TTBK2: variants seen among roughly 807,000 people sequenced by gnomAD.
TTBK2 encodes the protein tau-tubulin kinase 2.
A neutral mutation model predicts 110.8 loss-of-function variants in TTBK2; 28 were observed. That is an observed-to-expected ratio of 0.25 (90% confidence interval 0.19 to 0.35). TTBK2 has a LOEUF of 0.35. Ranked by LOEUF, TTBK2 falls within the 10% of genes least tolerant of loss-of-function variation. The pLI is 1.00. For missense variants in TTBK2, 1,369 were observed against 1,500.3 expected, an observed-to-expected ratio of 0.91 and a Z score of 1.45; for synonymous variants, 532 against 527.3, an observed-to-expected ratio of 1.01 and a Z score of -0.12.
intron 6 of TTBK2, among the ~76,000 whole-genome samples, chr15:42,823,038 A>G (rs1892373186): frequency 6.6e-6 from 1 of 152,266 alleles, no homozygotes; most frequent in Admixed American, 6.5e-5. Flanking sequence ...AACTACTCCC[A>G]ATGGAATTAA....
intron 1 of TTBK2, among the ~76,000 whole-genome samples, chr15:42,913,294 A>T (rs1001351955): frequency 1.3e-5 from 2 of 152,254 alleles, no homozygotes; most frequent in African/African-American, 4.8e-5. Flanking sequence ...GAGGTAAATT[A>T]TACTTTGGGC....
chr15:42,847,567 G>T (rs1254270450), intron 3 of TTBK2, among the ~76,000 whole-genome samples: 1 of 152,274 alleles, frequency 6.6e-6, no homozygotes, highest in East Asian at 1.9e-4. Flanking sequence ...CTCACATTTA[G>T]ATGTGTGGCA....
At chr15:42,763,157 CATATATATATATATATATATATAT>C (rs1567008803) in intron 13 of TTBK2, among the ~76,000 whole-genome samples, 40 of 20,464 alleles carry the variant, frequency 2.0e-3, no homozygotes, top group Non-Finnish European at 2.7e-3. Flanking sequence ...TATATATATA[CATATATATATATATATATATATAT>C]ATATATATAT....
chr15:42,897,878 C>A (rs910756299), intron 1 of TTBK2, among the ~76,000 whole-genome samples: 7 of 150,972 alleles, frequency 4.6e-5, no homozygotes, highest in African/African-American at 1.7e-4. Context: ...AACTTCCAAT[C>A]AGCTTCACTA....
intron 5 of TTBK2, among the ~76,000 whole-genome samples, chr15:42,828,918 T>C (rs1892642250): frequency 6.6e-6 from 1 of 152,194 alleles, no homozygotes; most frequent in African/African-American, 2.4e-5. Flanking sequence ...AGAGGACTTG[T>C]GACGGTAAAA....
At chr15:42,764,608 C>T (rs1196252161) in intron 13 of TTBK2, among the ~76,000 whole-genome samples, 1 of 152,268 alleles carries the variant, frequency 6.6e-6, no homozygotes, top group Non-Finnish European at 1.5e-5. Flanking sequence ...GCCAGGGAAG[C>T]TCGAACTGGG....
chr15:42,911,977 CA>C (rs2030781556), intron 1 of TTBK2, among the ~76,000 whole-genome samples: 3 of 152,120 alleles, frequency 2.0e-5, no homozygotes, highest in Non-Finnish European at 4.4e-5. Flanking sequence ...CACACACACA[CA>C]CACACACAAC....
At chr15:42,800,576 A>G (rs74477607) in intron 9 of TTBK2, among the ~76,000 whole-genome samples, 1 of 152,182 alleles carries the variant, frequency 6.6e-6, no homozygotes, top group East Asian at 1.9e-4. Flanking sequence ...TAATAAATGG[A>G]AAATTAGTGG....
intron 13 of TTBK2, among the ~76,000 whole-genome samples, chr15:42,770,060 C>G (rs1385441065): frequency 1.4e-5 from 2 of 143,428 alleles, no homozygotes; most frequent in Admixed American, 1.4e-4. Context: ...AATGAGAATA[C>G]TTGGACACAG....
chr15:42,753,408 T>C (rs773148128), intron 13 of TTBK2, among the ~76,000 whole-genome samples, 161 bp from the exon 14 acceptor site: 1 of 152,170 alleles, frequency 6.6e-6, no homozygotes, highest in African/African-American at 2.4e-5. Context: ...TGAATAACAA[T>C]GATTGACACT....
At chr15:42,846,664 T>C (rs1040293477) in intron 3 of TTBK2, among the ~76,000 whole-genome samples, 1 of 152,216 alleles carries the variant, frequency 6.6e-6, no homozygotes, top group African/African-American at 2.4e-5. Context: ...GTCTTTGTTA[T>C]TTATTACTCT....
intron 13 of TTBK2, among the ~76,000 whole-genome samples, chr15:42,770,663 G>A (rs1464145120): frequency 6.6e-6 from 1 of 152,142 alleles, no homozygotes; most frequent in Non-Finnish European, 1.5e-5. Flanking sequence ...AAATTTTCCA[G>A]ATCAAAAATA....
At chr15:42,838,673 G>A (rs1232325586) in intron 4 of TTBK2, among the ~76,000 whole-genome samples, 2 of 151,846 alleles carry the variant, frequency 1.3e-5, no homozygotes, top group Non-Finnish European at 2.9e-5. Context: ...GAAATTAGCC[G>A]GGCATGGTGG....
intron 3 of TTBK2, among the ~76,000 whole-genome samples, chr15:42,841,510 C>T (rs1416746174): frequency 6.6e-6 from 1 of 152,126 alleles, no homozygotes; most frequent in Non-Finnish European, 1.5e-5. Context: ...TGCACCGGGC[C>T]TCAAAAGTTC....
At chr15:42,824,753 A>C (rs913926757) in intron 6 of TTBK2, among the ~76,000 whole-genome samples, 1 of 152,150 alleles carries the variant, frequency 6.6e-6, no homozygotes, top group African/African-American at 2.4e-5. Flanking sequence ...AGCAGAAAAA[A>C]TAACTATTGG....
intron 1 of TTBK2, among the ~76,000 whole-genome samples, chr15:42,909,442 T>C (rs911400639): frequency 1.3e-5 from 2 of 152,208 alleles, no homozygotes; most frequent in Admixed American, 6.5e-5. Context: ...CTCCCTCTTA[T>C]GAGCACCCCC....
At chr15:42,879,822 T>G (rs911091451) in intron 1 of TTBK2, among the ~76,000 whole-genome samples, 5 of 151,800 alleles carry the variant, frequency 3.3e-5, no homozygotes, top group Non-Finnish European at 7.4e-5. Context: ...CATAGGGAGA[T>G]CCCGTCTCTA....
At chr15:42,835,695 GT>G (rs1892958753) in intron 4 of TTBK2, among the ~76,000 whole-genome samples, 1 of 151,908 alleles carries the variant, frequency 6.6e-6, no homozygotes, top group South Asian at 2.1e-4. Context: ...TGATATTTGT[GT>G]TATTATTAAG....
intron 3 of TTBK2, among the ~76,000 whole-genome samples, chr15:42,848,942 C>T (rs757195840): frequency 6.6e-6 from 1 of 152,136 alleles, no homozygotes; most frequent in Non-Finnish European, 1.5e-5. Flanking sequence ...GCTAAACTCA[C>T]TTATTCTAGG....
Sources: gnomAD v4.1 joint callset for allele counts (sites outside exome capture counted in the v4.1 genomes callset) on GRCh38, gnomAD v4.1.1 for gene constraint, MANE v1.5 for transcripts, NCBI Gene and HGNC (gene_info 2026-07-23, HGNC 2026-07-21) for gene names.